The following TANC1 variants were observed in gnomAD, a reference collection of about 807,000 sequenced individuals.
TANC1 encodes the protein tetratricopeptide repeat, ankyrin repeat and coiled-coil containing 1.
In TANC1, 77 loss-of-function variants were observed where a neutral mutation model predicts 149.7. That is an observed-to-expected ratio of 0.51 (90% confidence interval 0.43 to 0.62). TANC1 has a LOEUF of 0.62. Among genes scored for constraint, TANC1 ranks in the 20% least tolerant of loss-of-function variants. The pLI is 0.00. For missense variants in TANC1, 1,985 were observed against 2,321.8 expected, an observed-to-expected ratio of 0.85 and a Z score of 2.98; for synonymous variants, 854 against 925.0, an observed-to-expected ratio of 0.92 and a Z score of 1.39.
At chr2:159,107,660 A>G (rs950316239) in intron 4 of TANC1, among the ~76,000 whole-genome samples, 15 of 152,194 alleles carry the variant, frequency 9.9e-5, no homozygotes, top group African/African-American at 3.1e-4. Context: ...ACCCAGCCCT[A>G]TTGTTCCTCT....
intron 4 of TANC1, among the ~76,000 whole-genome samples, chr2:159,112,216 G>GT (rs1559281128): frequency 1.3e-5 from 2 of 152,174 alleles, no homozygotes; most frequent in South Asian, 2.1e-4. Flanking sequence ...TTCTCAGTAA[G>GT]TTTTTTGGGT....
chr2:159,129,259 A>C (rs1033587476), intron 4 of TANC1, among the ~76,000 whole-genome samples: 3 of 152,198 alleles, frequency 2.0e-5, no homozygotes, highest in Non-Finnish European at 4.4e-5. Context: ...TCTCCCTTTC[A>C]CTGCCTCGAG....
At chr2:159,184,956 C>G (rs2056836952) in intron 14 of TANC1, among the ~76,000 whole-genome samples, 1 of 152,160 alleles carries the variant, frequency 6.6e-6, no homozygotes, top group Non-Finnish European at 1.5e-5. Flanking sequence ...AAGACAAATG[C>G]AGTTTAAATA....
At chr2:159,177,409 G>A (rs934649828) in intron 13 of TANC1, among the ~76,000 whole-genome samples, 1 of 151,906 alleles carries the variant, frequency 6.6e-6, no homozygotes, top group African/African-American at 2.4e-5. Context: ...TTAGACATTA[G>A]GTTTTGATTT....
At chr2:159,216,646 C>T (rs1304000620) in intron 19 of TANC1, among the ~76,000 whole-genome samples, 1 of 152,124 alleles carries the variant, frequency 6.6e-6, no homozygotes, top group Non-Finnish European at 1.5e-5. Flanking sequence ...TACCCCGCCT[C>T]GTTGTCCTTT....
At chr2:159,033,289 A>C (rs1466031674) in intron 2 of TANC1, among the ~76,000 whole-genome samples, 4 of 152,184 alleles carry the variant, frequency 2.6e-5, no homozygotes, top group Non-Finnish European at 4.4e-5. Flanking sequence ...GCCATGGATG[A>C]ATTTGTGAAT....
intron 19 of TANC1, among the ~76,000 whole-genome samples, chr2:159,204,930 C>T (rs942688098): frequency 2.0e-5 from 3 of 152,172 alleles, no homozygotes; most frequent in African/African-American, 7.2e-5. Flanking sequence ...TGAAGCAATT[C>T]CACTTGGCAT....
intron 2 of TANC1, among the ~76,000 whole-genome samples, chr2:159,032,993 T>C (rs2039901637): frequency 6.6e-6 from 1 of 151,974 alleles, no homozygotes. Flanking sequence ...TCAGGGAAAA[T>C]GAGAAGAAGC....
At chr2:159,028,935 TA>T (rs1297090037) in intron 2 of TANC1, among the ~76,000 whole-genome samples, 4 of 152,282 alleles carry the variant, frequency 2.6e-5, no homozygotes. Flanking sequence ...TAGATTTTTT[TA>T]TAGAGATGAG....
intron 20 of TANC1, 114 bp downstream of exon 20, chr2:159,217,744 C>G: frequency 3.7e-6 from 5 of 1,363,416 alleles, no homozygotes; most frequent in Non-Finnish European, 5.0e-6. Context: ...GTTCCCCATC[C>G]TCGGCTTCTG....
intron 2 of TANC1, among the ~76,000 whole-genome samples, chr2:159,027,325 T>G (rs931197463): frequency 6.6e-6 from 1 of 152,230 alleles, no homozygotes; most frequent in African/African-American, 2.4e-5. Context: ...TGCCAGATAT[T>G]TTAGTTTATT....
chr2:158,987,425 C>T (rs1214774116), intron 1 of TANC1, among the ~76,000 whole-genome samples: 1 of 150,696 alleles, frequency 6.6e-6, no homozygotes. Context: ...ACTTGGGTGG[C>T]TGGGGGGTAG....
intron 16 of TANC1, among the ~76,000 whole-genome samples, chr2:159,190,593 C>A (rs2057368132): frequency 6.6e-6 from 1 of 151,642 alleles, no homozygotes; most frequent in African/African-American, 2.4e-5. Context: ...CTCTTGTTGC[C>A]CAGGCTGGAG....
chr2:159,025,201 C>CTTTCTTTCTTTCTTTCTT (rs2039198521), intron 2 of TANC1, among the ~76,000 whole-genome samples: 2 of 134,160 alleles, frequency 1.5e-5, no homozygotes, highest in Non-Finnish European at 3.1e-5. Flanking sequence ...TTCTTTCTTT[C>CTTTCTTTCTTTCTTTCTT]TTTCTTTCTT....
At chr2:159,141,209 C>T (rs1233939670) in intron 5 of TANC1, among the ~76,000 whole-genome samples, 1 of 152,218 alleles carries the variant, frequency 6.6e-6, no homozygotes, top group Admixed American at 6.5e-5. Context: ...GGTTCATAGA[C>T]AGCCATCTTT....
At chr2:159,147,598 A>C (rs992522247) in intron 5 of TANC1, 15 of 152,202 alleles carry the variant, frequency 9.9e-5, no homozygotes, top group Admixed American at 7.2e-4. Flanking sequence ...CATGAGGTCG[A>C]CCCGCCCTGG....
chr2:159,182,172 A>G (rs777712743), intron 14 of TANC1, among the ~76,000 whole-genome samples: 4 of 151,118 alleles, frequency 2.6e-5, no homozygotes, highest in Non-Finnish European at 5.9e-5. Flanking sequence ...TCGTGCCACT[A>G]CACTCCAGCC....
intron 3 of TANC1, among the ~76,000 whole-genome samples, chr2:159,088,709 T>C (rs1316195420): frequency 6.6e-6 from 1 of 152,184 alleles, no homozygotes; most frequent in Non-Finnish European, 1.5e-5. Flanking sequence ...AAAAAACTCA[T>C]CGGCTATCAT....
Position 159,117,364 on chromosome 2 carries a change from G to A in TANC1, c.260-18830G>A, listed in dbSNP as rs547096185. ...GTATGACACACTTGTCAGAGTTAAT[G>A]AACTGATATTGATACCTACTAAAGT... On this transcript the variant is annotated intron_variant, in intron 4 of 26. Coordinates refer to ENST00000263635, the MANE Select transcript of TANC1 (RefSeq NM_033394.3). Among the ~76,000 whole-genome samples the A allele has an allele frequency of 7.9e-4, 120 of 152,148 alleles. 1 individual carries two copies. The highest frequency in any genetic ancestry group is 9.9e-4 in the Non-Finnish European group (67 of 68,000).
Sources: allele counts gnomAD v4.1 joint callset (sites outside exome capture counted in the v4.1 genomes callset), GRCh38; gene constraint gnomAD v4.1.1; transcripts MANE v1.5; gene names NCBI Gene and HGNC (gene_info 2026-07-23, HGNC 2026-07-21).